TTC28: variants seen among roughly 807,000 people sequenced by gnomAD.
TTC28 encodes the protein tetratricopeptide repeat domain 28, also known as tetratricopeptide repeat protein 28.
A neutral mutation model predicts 198.0 loss-of-function variants in TTC28; 61 were observed. The observed-to-expected ratio is 0.31, with a 90% confidence interval of 0.25 to 0.38. TTC28 has a LOEUF of 0.38. Ranked by LOEUF, TTC28 falls within the 10% of genes least tolerant of loss-of-function variation. The pLI is 1.00. For synonymous variants in TTC28, 1,171 were observed against 1,297.8 expected (o/e 0.90, Z 2.10); for missense variants, 2,678 against 3,164.0 (o/e 0.85, Z 3.69).
At chr22:28,110,082 C>A (rs989978154) in intron 6 of TTC28, among the ~76,000 whole-genome samples, 1 of 152,148 alleles carries the variant, frequency 6.6e-6, no homozygotes, top group South Asian at 2.1e-4. Context: ...GTCTCTGCCC[C>A]CAGAGAGCAC....
intron 13 of TTC28, among the ~76,000 whole-genome samples, chr22:28,015,714 C>T (rs1001376310): frequency 4.6e-5 from 7 of 151,936 alleles, no homozygotes; most frequent in Admixed American, 3.9e-4. Context: ...ACGTGAGACA[C>T]CACACCCCAC....
intron 5 of TTC28, among the ~76,000 whole-genome samples, chr22:28,240,000 T>C (rs942510932): frequency 6.6e-6 from 1 of 152,320 alleles, no homozygotes. Flanking sequence ...GTCCTGTGCA[T>C]TGTAGGATGC....
chr22:28,029,554 A>G (rs921188006), intron 13 of TTC28, among the ~76,000 whole-genome samples: 3 of 152,196 alleles, frequency 2.0e-5, no homozygotes, highest in African/African-American at 7.2e-5. Flanking sequence ...GCAACCAAAC[A>G]ACAGTGGGAC....
chr22:28,234,223 G>C (rs1350535541), intron 5 of TTC28, among the ~76,000 whole-genome samples: 3 of 151,552 alleles, frequency 2.0e-5, no homozygotes, highest in African/African-American at 7.3e-5. Context: ...TTGTATTTTA[G>C]TAGAGATGGG....
intron 12 of TTC28, among the ~76,000 whole-genome samples, chr22:28,070,911 G>A (rs979257671): frequency 1.3e-5 from 2 of 152,166 alleles, no homozygotes; most frequent in African/African-American, 2.4e-5. Flanking sequence ...AGCACAGTAT[G>A]TCAACCCAAC....
chr22:28,610,178 G>A (rs183324727), intron 2 of TTC28, among the ~76,000 whole-genome samples: 88 of 152,210 alleles, frequency 5.8e-4, no homozygotes, highest in Non-Finnish European at 1.2e-3. Context: ...AGACTTAAAC[G>A]TCCCTGCCTG....
At chr22:28,465,023 T>C (rs1024881134) in intron 2 of TTC28, among the ~76,000 whole-genome samples, 1 of 152,242 alleles carries the variant, frequency 6.6e-6, no homozygotes. Flanking sequence ...ACTTTCTTAC[T>C]GGATTTCTGT....
intron 3 of TTC28, among the ~76,000 whole-genome samples, chr22:28,302,582 C>G (rs1428705125): frequency 2.0e-5 from 3 of 152,222 alleles, no homozygotes; most frequent in African/African-American, 7.2e-5. Flanking sequence ...AGGAAGCAAC[C>G]TTGCTCAGCC....
At chr22:28,452,417 A>C (rs2146257474) in intron 2 of TTC28, among the ~76,000 whole-genome samples, 2 of 147,318 alleles carry the variant, frequency 1.4e-5, no homozygotes, top group East Asian at 3.9e-4. Context: ...AAAAAAAAAA[A>C]AGAGGCTGTA....
At chr22:28,352,874 A>G (rs1429637225) in intron 2 of TTC28, among the ~76,000 whole-genome samples, 1 of 152,214 alleles carries the variant, frequency 6.6e-6, no homozygotes, top group Non-Finnish European at 1.5e-5. Context: ...AAAATGTTGA[A>G]GGAGATAAAG....
intron 14 of TTC28, among the ~76,000 whole-genome samples, chr22:28,009,778 A>G (rs952820376): frequency 1.3e-5 from 2 of 152,262 alleles, no homozygotes; most frequent in Non-Finnish European, 1.5e-5. Flanking sequence ...GGTTTAGGAC[A>G]GTGTGTGCCT....
At chr22:28,386,274 C>CAAAAAAAAAAAAAAAAAAAA (rs71194764) in intron 2 of TTC28, among the ~76,000 whole-genome samples, 19 of 52,234 alleles carry the variant, frequency 3.6e-4, no homozygotes, top group East Asian at 1.2e-3. Context: ...GACTCCGTCT[C>CAAAAAAAAAAAAAAAAAAAA]AAAAAAAAAA....
intron 5 of TTC28, among the ~76,000 whole-genome samples, chr22:28,254,643 C>G (rs1388097943): frequency 6.6e-6 from 1 of 152,068 alleles, no homozygotes; most frequent in African/African-American, 2.4e-5. Context: ...GATGTGGACT[C>G]CCTCCCACTA....
intron 12 of TTC28, among the ~76,000 whole-genome samples, chr22:28,063,207 G>A (rs542313265): frequency 2.0e-5 from 3 of 152,278 alleles, no homozygotes; most frequent in Admixed American, 6.5e-5. Context: ...TATGGGCAGA[G>A]TTTATACACA....
chr22:28,192,542 G>A (rs2147131579), intron 5 of TTC28, among the ~76,000 whole-genome samples: 1 of 152,272 alleles, frequency 6.6e-6, no homozygotes, highest in Non-Finnish European at 1.5e-5. Flanking sequence ...TAAAAACCTT[G>A]AGAAAAGATT....
At chr22:27,996,327 G>T in intron 16 of TTC28, 68 bp from the exon 17 acceptor site, 1 of 1,524,022 alleles carries the variant, frequency 6.6e-7, no homozygotes, top group East Asian at 2.5e-5. Flanking sequence ...CCGGCTTCCA[G>T]GGCTCACTTA....
intron 2 of TTC28, among the ~76,000 whole-genome samples, chr22:28,362,082 T>C (rs190652116): frequency 2.6e-4 from 39 of 152,310 alleles, no homozygotes; most frequent in Middle Eastern, 6.8e-3. Context: ...ACAATATACA[T>C]TCTGAAGCCC....
At chr22:28,180,202 A>G (rs1923568814) in intron 5 of TTC28, among the ~76,000 whole-genome samples, 1 of 152,200 alleles carries the variant, frequency 6.6e-6, no homozygotes, top group Non-Finnish European at 1.5e-5. Context: ...TGCTGCCTGA[A>G]AATCTACCCT....
chr22:28,027,090 T>C (rs1298830050), intron 13 of TTC28, among the ~76,000 whole-genome samples: 1 of 152,120 alleles, frequency 6.6e-6, no homozygotes, highest in African/African-American at 2.4e-5. Flanking sequence ...ATATCATATA[T>C]ACATACCACA....
Sources: gnomAD v4.1 joint callset for allele counts (sites outside exome capture counted in the v4.1 genomes callset) on GRCh38, gnomAD v4.1.1 for gene constraint, MANE v1.5 for transcripts, NCBI Gene and HGNC (gene_info 2026-07-23, HGNC 2026-07-21) for gene names.